The following FCN1 variants were observed in gnomAD, a reference collection of about 807,000 sequenced individuals.
The protein encoded by FCN1 is ficolin-1.
A neutral mutation model predicts 35.6 loss-of-function variants in FCN1; 42 were observed. The observed-to-expected ratio is 1.18, with a 90% CI of 0.92 to 1.53. FCN1 has a LOEUF of 1.53. Ranked by LOEUF, FCN1 falls within the 40% of genes most tolerant of loss-of-function variation. The probability of loss-of-function intolerance (pLI) is 0.00; values close to 1 mark genes in which losing one functional copy is unlikely to be tolerated. For synonymous variants in FCN1, 179 were observed against 169.8 expected, an observed-to-expected ratio of 1.05 and a Z score of -0.42; for missense variants, 439 against 428.4, an observed-to-expected ratio of 1.02 and a Z score of -0.22.
At chr9:134,912,893 C>G in intron 6 of FCN1, 123 bp downstream of exon 6, 1 of 1,464,792 alleles carries the variant, frequency 6.8e-7, no homozygotes, top group South Asian at 1.3e-5. Context: ...GTCACTTCCC[C>G]CATCATCTAT....
chr9:134,917,437 A>G lies in FCN1; in HGVS notation c.103+332T>C, dbSNP rs190699491. On this transcript the variant is annotated intron_variant, in intron 1 of 8. Transcript: ENST00000371806. ...CAGCCACCGTATTAGAGGGTCTTAG[A>G]GTGCCTCCCTGGTAAGCCCGTAAGA... is the stretch of plus-strand genomic sequence containing the variant. 4.6e-5 allele frequency among the ~76,000 whole-genome samples: 7 copies of G among 152,306 alleles called. No individual in the cohort carries two copies. In the East Asian group the frequency reaches 1.4e-3, roughly 29 times the overall value.
rs538694263 is a variant in FCN1, at chr9:134,916,761, ATC to A, written c.104-302_104-301del. On this transcript the variant is annotated intron_variant, in intron 1 of 8. Transcript: ENST00000371806. The stretch of plus-strand genomic sequence containing the variant: ...TTTGGTTAAAGAATGTGCATTTTAA[ATC>A]TCTTATTGTAATTTATGGCATTTAG... 2.0e-3 allele frequency among the ~76,000 whole-genome samples: 312 copies of A among 152,348 alleles called. 2 individuals are homozygous for A. Among genetic ancestry groups the A allele is most frequent in the African/African-American group, 7.1e-3 (296 of 41,578 alleles).
chr9:134,916,707 C>T (rs1018816655), intron 1 of FCN1, among the ~76,000 whole-genome samples: 3 of 152,178 alleles, frequency 2.0e-5, no homozygotes, highest in Admixed American at 6.5e-5. Context: ...GGCTGCCAAG[C>T]GGGGATAATA....
chr9:134,911,116 C>T lies in FCN1; in HGVS notation c.733+17G>A. On this transcript the variant is annotated intron_variant, in intron 8 of 8. Transcript: ENST00000371806. ...TCCAAGCCCCACTCAGGCCACCAGCCCCAAGCAGACACTCACCCGCACTGC... is the reference window on the plus strand; with the variant it reads ...TCCAAGCCCCACTCAGGCCACCAGCTCCAAGCAGACACTCACCCGCACTGC... 1.2e-6 allele frequency: 2 copies of T among 1,613,898 alleles called. No individual in the cohort carries two copies. The highest frequency in any genetic ancestry group is 2.2e-5 in the East Asian group (1 of 44,874).
In FCN1 at chr9:134,910,182, C is replaced by T. The variant is rs1588655308; in HGVS notation, c.734-137G>A. 5 of 797,666 alleles carry T rather than the reference C, an allele frequency of 6.3e-6. No individual in the cohort carries two copies. In the East Asian group the frequency reaches 1.2e-4, roughly 20 times the overall value. The allele number at this position is 797,666 out of a possible 1,614,324, so 49.4% of individuals were successfully genotyped here. A position where few individuals can be genotyped will look rare whatever the true frequency, so the allele number is the denominator to read the frequency against. On this transcript the variant is annotated intron_variant, in intron 8 of 8. Transcript: ENST00000371806. ...GCCGAGCTACAGGTGCACAAATGAC[C>T]CACCCAGGCCTTGGAGGAAGGGGAA...
At chr9:134,910,211 G>A (rs1831006005) in intron 8 of FCN1, among the ~76,000 whole-genome samples, 166 bp from the exon 9 acceptor site, 1 of 152,136 alleles carries the variant, frequency 6.6e-6, no homozygotes, top group South Asian at 2.1e-4. Context: ...AGGGGAAGCA[G>A]GAGGCAACCT....
At chr9:134,911,524 T>A (rs1426556927) in intron 7 of FCN1, among the ~76,000 whole-genome samples, 1 of 151,498 alleles carries the variant, frequency 6.6e-6, no homozygotes, top group Non-Finnish European at 1.5e-5. Flanking sequence ...TTTTTTTTTT[T>A]TGTATTTTTA....
intron 4 of FCN1, 108 bp from the exon 5 acceptor site, chr9:134,913,721 C>T: frequency 1.3e-6 from 1 of 772,232 alleles, no homozygotes; most frequent in Non-Finnish European, 2.0e-6. Context: ...AAAGGCAGCT[C>T]CTCTGATGTC....
rs1400282790 is a variant in FCN1 at position 134,911,151 on chromosome 9, A to T, written c.715T>A (p.Phe239Ile). ...AEKYKLVLGA[F>I]VGGSAGNSLT... is the part of the protein sequence containing the mutation. ...CACTCACCCGCACTGCCCCCGACAA[A>T]GGCTCCCAGTACCAGCTTGTACTTC... The change falls in exon 8 of 9, where the codon TTT becomes ATT. Residue 239 changes from phenylalanine (F) to isoleucine (I), a missense_variant. Transcript: ENST00000371806. The T allele has an allele frequency of 6.2e-7, 1 of 1,614,000 alleles. No homozygotes were observed. Among genetic ancestry groups the T allele is most frequent in the Admixed American group, 1.7e-5 (1 of 59,986 alleles).
chr9:134,916,325 C>T (rs1175829225), intron 2 of FCN1, 23 bp downstream of exon 2: 2 of 1,579,778 alleles, frequency 1.3e-6, no homozygotes, highest in Non-Finnish European at 1.7e-6. Flanking sequence ...CATGCCTGGC[C>T]TCCCCACCCG....
intron 4 of FCN1, among the ~76,000 whole-genome samples, chr9:134,914,125 G>A (rs540556245): frequency 6.6e-6 from 1 of 152,332 alleles, no homozygotes; most frequent in East Asian, 1.9e-4. Flanking sequence ...GCATAAGTAA[G>A]ACAGAAATTG....
intron 7 of FCN1, among the ~76,000 whole-genome samples, chr9:134,912,231 A>G (rs1007097199): frequency 5.3e-5 from 8 of 151,812 alleles, no homozygotes; most frequent in African/African-American, 1.7e-4. Context: ...CCTGCTTCCC[A>G]CTCTCAGGAT....
Position 134,909,459 on chromosome 9 carries a change from C to G in FCN1, c.*339G>C, listed in dbSNP as rs2118932534. The stretch of plus-strand genomic sequence containing the variant: ...CCTCCCTGAACATCGGTAGTGCCAT[C>G]TGCTAAATAAGGGTCCTGACTCTTC... On this transcript the variant is annotated 3_prime_UTR_variant, in exon 9 of 9. Transcript: ENST00000371806. 2 of 1,301,720 alleles carry G rather than the reference C, an allele frequency of 1.5e-6. No individual in the cohort carries two copies. The highest frequency in any genetic ancestry group is 5.2e-5 in the East Asian group (1 of 19,064). 80.6% of individuals were successfully genotyped at this position (1,301,720 alleles called of 1,614,324 possible).
rs750158871 is a variant in FCN1, at chr9:134,907,745, G to A, written c.*2053C>T. On this transcript the variant is annotated 3_prime_UTR_variant, in exon 9 of 9. Coordinates refer to ENST00000371806, the MANE Select transcript of FCN1 (RefSeq NM_002003.5). The stretch of plus-strand genomic sequence containing the variant: ...AGGCTCCTTTTGCTGCCATGTTTGT[G>A]AGACTCATGCTCCTTGTGTGTAGGT... The A allele has an allele frequency of 6.6e-6, 1 of 152,228 alleles. No homozygotes were observed. The highest frequency in any genetic ancestry group is 1.5e-5 in the Non-Finnish European group (1 of 68,048). 9.4% of individuals were successfully genotyped at this position (152,228 alleles called of 1,614,324 possible).
chr9:134,913,995 C>T (rs917152842), intron 4 of FCN1, among the ~76,000 whole-genome samples: 12 of 152,224 alleles, frequency 7.9e-5, no homozygotes, highest in African/African-American at 1.2e-4. Flanking sequence ...ACTCAGGTAT[C>T]GGCGGACCCT....
Position 134,908,913 on chromosome 9 carries a change from G to T in FCN1, c.*885C>A, listed in dbSNP as rs1468263662. Reference sequence around the variant, plus strand: ...ATTCTGCCCCTCTGGCCTTCCTTTGGTTCCCTTAGTGTCCTTCGGTAAGTG... The same window carrying T: ...ATTCTGCCCCTCTGGCCTTCCTTTGTTTCCCTTAGTGTCCTTCGGTAAGTG... On this transcript the variant is annotated 3_prime_UTR_variant, in exon 9 of 9. Coordinates refer to ENST00000371806, the MANE Select transcript of FCN1 (RefSeq NM_002003.5). 6 of 231,904 alleles carry T rather than the reference G, an allele frequency of 2.6e-5. No individual in the cohort carries two copies. In the Admixed American group the frequency reaches 2.6e-4, roughly 10 times the overall value. 14.4% of individuals were successfully genotyped at this position (231,904 alleles called of 1,614,324 possible).
intron 8 of FCN1, among the ~76,000 whole-genome samples, chr9:134,910,524 A>G (rs1340719796): frequency 6.6e-6 from 1 of 152,098 alleles, no homozygotes; most frequent in Non-Finnish European, 1.5e-5. Flanking sequence ...CACCTGCAAA[A>G]TGGGGGTGAC....
chr9:134,909,477 G>A lies in FCN1; in HGVS notation c.*321C>T. 2.3e-6 allele frequency: 3 copies of A among 1,314,974 alleles called. No individual in the cohort carries two copies. Among genetic ancestry groups the A allele is most frequent in the Non-Finnish European group, 3.0e-6 (3 of 1,005,666 alleles). The allele number at this position is 1,314,974 out of a possible 1,614,324, so 81.5% of individuals were successfully genotyped here. ...GTGCCATCTGCTAAATAAGGGTCCT[G>A]ACTCTTCCCGACTTACCAAATTCCA... On this transcript the variant is annotated 3_prime_UTR_variant, in exon 9 of 9. Transcript: ENST00000371806.
rs1034477711 is a variant in FCN1 at position 134,909,434 on chromosome 9, C to A, written c.*364G>T. On this transcript the variant is annotated 3_prime_UTR_variant, in exon 9 of 9. Coordinates refer to ENST00000371806, the MANE Select transcript of FCN1 (RefSeq NM_002003.5). ...GAAAATCCTCGCAAAAGTCACTCAA[C>A]CTCCCTGAACATCGGTAGTGCCATC... 7.7e-7 allele frequency: 1 copy of A among 1,291,232 alleles called. No homozygotes were observed. Among genetic ancestry groups the A allele is most frequent in the African/African-American group, 1.5e-5 (1 of 65,992 alleles). 80.0% of individuals were successfully genotyped at this position (1,291,232 alleles called of 1,614,324 possible).
Sources: gnomAD v4.1 joint callset for allele counts (sites outside exome capture counted in the v4.1 genomes callset) on GRCh38, gnomAD v4.1.1 for gene constraint, MANE v1.5 for transcripts, NCBI Gene and HGNC (gene_info 2026-07-23, HGNC 2026-07-21) for gene names.